Variants in ASZ1 observed in about 807,000 individuals in gnomAD.
ASZ1 encodes the protein ankyrin repeat, SAM and basic leucine zipper domain-containing protein 1.
ASZ1 carries 67 observed loss-of-function variants against 61.8 expected under a neutral mutation model. The ratio of observed to expected loss-of-function variants is 1.08; its 90% CI spans 0.89 to 1.33. The LOEUF is 1.33. Ranked by LOEUF, ASZ1 falls within the 40% of genes most tolerant of loss-of-function variation. ASZ1 has a pLI of 0.00. For missense variants in ASZ1, 577 were observed against 554.5 expected (o/e 1.04, Z -0.41); for synonymous variants, 193 against 192.7 (o/e 1.00, Z -0.01).
chr7:117,419,267 T>C (rs147987066), intron 4 of ASZ1, among the ~76,000 whole-genome samples: 126 of 152,296 alleles, frequency 8.3e-4, no homozygotes, highest in Middle Eastern at 3.4e-3. Flanking sequence ...AGACCTTGCT[T>C]GAGAACCACT....
chr7:117,384,903 G>A (rs1209560417), intron 5 of ASZ1, 43 bp from the exon 6 acceptor site: 1 of 1,497,312 alleles, frequency 6.7e-7, no homozygotes, highest in Admixed American at 2.4e-5. Flanking sequence ...GAGAAGGAGT[G>A]TATATGAGAC....
chr7:117,422,786 C>T (rs1475854453), intron 2 of ASZ1, among the ~76,000 whole-genome samples: 1 of 152,062 alleles, frequency 6.6e-6, no homozygotes, highest in East Asian at 1.9e-4. Flanking sequence ...AACTTTATTC[C>T]TAACACTAAA....
intron 10 of ASZ1, among the ~76,000 whole-genome samples, chr7:117,379,160 T>TACAC (rs1562847682): frequency 3.5e-5 from 2 of 56,446 alleles, no homozygotes; most frequent in African/African-American, 2.4e-4. Flanking sequence ...TATATATATA[T>TACAC]ATATATATAC....
intron 11 of ASZ1, 106 bp from the exon 12 acceptor site, chr7:117,367,571 GA>G: frequency 8.4e-7 from 1 of 1,197,090 alleles, no homozygotes; most frequent in Middle Eastern, 3.1e-4. Flanking sequence ...TTACATAATT[GA>G]AAGGCATTTT....
chr7:117,411,734 T>C (rs1796893780), intron 4 of ASZ1, among the ~76,000 whole-genome samples: 1 of 151,794 alleles, frequency 6.6e-6, no homozygotes, highest in African/African-American at 2.4e-5. Context: ...AGCAACTTTA[T>C]GATGTGAGTG....
intron 4 of ASZ1, among the ~76,000 whole-genome samples, chr7:117,407,519 C>T (rs750666846): frequency 2.0e-5 from 3 of 152,100 alleles, no homozygotes; most frequent in Admixed American, 6.5e-5. Context: ...CATTTAAATA[C>T]TATGTTTTTT....
At chr7:117,375,269 C>T (rs1796116464) in intron 10 of ASZ1, among the ~76,000 whole-genome samples, 1 of 151,846 alleles carries the variant, frequency 6.6e-6, no homozygotes, top group African/African-American at 2.4e-5. Context: ...TTTCCATAAG[C>T]AAAAATCTCT....
chr7:117,367,327 C>T, intron 12 of ASZ1, 25 bp downstream of exon 12: 1 of 1,420,914 alleles, frequency 7.0e-7, no homozygotes, highest in Non-Finnish European at 9.3e-7. Context: ...TCATTTTTCC[C>T]CTCCTTTTAA....
intron 4 of ASZ1, among the ~76,000 whole-genome samples, chr7:117,409,489 C>A (rs531703320): frequency 6.6e-6 from 1 of 151,552 alleles, no homozygotes; most frequent in Non-Finnish European, 1.5e-5. Context: ...TTTTAGCCAG[C>A]CAAAAAGGGA....
chr7:117,395,892 G>A (rs1450540819), intron 4 of ASZ1, among the ~76,000 whole-genome samples: 1 of 152,070 alleles, frequency 6.6e-6, no homozygotes, highest in Admixed American at 6.6e-5. Flanking sequence ...ATGCATGCAG[G>A]GATTTGTTAC....
intron 10 of ASZ1, among the ~76,000 whole-genome samples, chr7:117,376,893 A>G (rs956769085): frequency 2.6e-4 from 40 of 152,254 alleles, no homozygotes; most frequent in Admixed American, 2.3e-3. Flanking sequence ...AATGTCCACT[A>G]TCTACCACTC....
intron 4 of ASZ1, among the ~76,000 whole-genome samples, chr7:117,387,338 C>CAAA (rs1262874530): frequency 1.3e-5 from 2 of 151,554 alleles, no homozygotes; most frequent in African/African-American, 2.4e-5. Context: ...ACAACAACAA[C>CAAA]AACAACAACG....
Position 117,363,645 on chromosome 7 carries a change from C to G in ASZ1, c.1379G>C (p.Gly460Ala). ...ILKRTAITIC[G>A]FGFLLFICKL... is the part of the protein sequence containing the mutation. ...GCAAATGAAAAGAAGAAAACCGAATCCGCATATGGTAATAGCTGTCCTCTT... is the reference window on the plus strand; with the variant it reads ...GCAAATGAAAAGAAGAAAACCGAATGCGCATATGGTAATAGCTGTCCTCTT... Residue 460 changes from glycine to alanine, a missense_variant, in exon 13 of 13, where the codon GGA becomes GCA. Gly to Ala is a moderately conservative substitution (Grantham distance 60). Transcript: ENST00000284629. 1.2e-6 allele frequency: 2 copies of G among 1,606,230 alleles called. No individual in the cohort carries two copies. The highest frequency in any genetic ancestry group is 2.2e-5 in the South Asian group (2 of 89,076).
chr7:117,364,157 T>C (rs1337886028), intron 12 of ASZ1, among the ~76,000 whole-genome samples: 2 of 152,188 alleles, frequency 1.3e-5, no homozygotes, highest in Admixed American at 6.6e-5. Flanking sequence ...ACCTAAAACA[T>C]GAAATTTAGC....
chr7:117,398,618 C>T (rs577316914), intron 4 of ASZ1, among the ~76,000 whole-genome samples: 92 of 152,292 alleles, frequency 6.0e-4, no homozygotes, highest in Middle Eastern at 3.4e-3. Context: ...TATCCTCCAT[C>T]TGCTGTCAGA....
chr7:117,414,185 G>T (rs1209336772), intron 4 of ASZ1, among the ~76,000 whole-genome samples: 1 of 152,158 alleles, frequency 6.6e-6, no homozygotes, highest in Non-Finnish European at 1.5e-5. Context: ...GCAAAATTTA[G>T]AAGATGCTTG....
intron 4 of ASZ1, among the ~76,000 whole-genome samples, chr7:117,415,846 C>T (rs574220497): frequency 6.6e-6 from 1 of 152,130 alleles, no homozygotes; most frequent in Non-Finnish European, 1.5e-5. Flanking sequence ...CAAATGGAAA[C>T]AACCACAGCA....
intron 11 of ASZ1, 184 bp downstream of exon 11, chr7:117,368,428 G>C: frequency 7.9e-7 from 1 of 1,267,850 alleles, no homozygotes; most frequent in South Asian, 2.8e-5. Flanking sequence ...AGAATACAAA[G>C]TTTTAAAATC....
chr7:117,370,771 C>T (rs901179596), intron 10 of ASZ1, among the ~76,000 whole-genome samples: 10 of 149,542 alleles, frequency 6.7e-5, no homozygotes, highest in Non-Finnish European at 1.3e-4. Context: ...AATAAAAATA[C>T]AATAAAAATT....
Sources: allele counts gnomAD v4.1 joint callset (sites outside exome capture counted in the v4.1 genomes callset), GRCh38; gene constraint gnomAD v4.1.1; transcripts MANE v1.5; gene names NCBI Gene and HGNC (gene_info 2026-07-23, HGNC 2026-07-21).